CEP131: variants seen among roughly 807,000 people sequenced by gnomAD.
The protein encoded by CEP131 is centrosomal protein of 131 kDa.
Under a neutral mutation model 136.8 loss-of-function variants are expected in CEP131, and 99 were observed. The ratio of observed to expected loss-of-function variants is 0.72; its 90% CI spans 0.62 to 0.86. The LOEUF (loss-of-function observed/expected upper bound fraction) is 0.86, where lower values mean the gene tolerates loss of function less well. Ranked by LOEUF, CEP131 falls within the 40% of genes least tolerant of loss-of-function variation. CEP131 has a pLI of 0.00. For synonymous variants in CEP131, 646 were observed against 612.7 expected, an observed-to-expected ratio of 1.05 and a Z score of -0.80; for missense variants, 1,459 against 1,463.0, an observed-to-expected ratio of 1.00 and a Z score of 0.04.
intron 15 of CEP131, 55 bp from the exon 16 acceptor site, chr17:81,196,006 C>A: frequency 3.4e-6 from 5 of 1,451,092 alleles, no homozygotes; most frequent in Non-Finnish European, 4.8e-6. Flanking sequence ...CCAGCAGGAC[C>A]CCTGATGGAG....
At position 81,199,109 on chromosome 17, in the gene CEP131, G is replaced by A. The variant is rs768533066; in HGVS notation, c.1193-138C>T. The A allele has an allele frequency of 2.3e-5, 20 of 877,690 alleles. No homozygotes were observed. In the East Asian group the frequency reaches 2.4e-4, roughly 11 times the overall value. The allele number at this position is 877,690 out of a possible 1,614,324, so 54.4% of individuals were successfully genotyped here. ...AGCAGAGGAGCCGCTGGGGAGCCAC[G>A]GCCTTCTGGGTGTGGAGCTGTGGAG... is the stretch of plus-strand genomic sequence containing the variant. On this transcript the variant is annotated intron_variant, in intron 10 of 25. Coordinates refer to ENST00000450824, the MANE Select transcript of CEP131 (RefSeq NM_014984.4).
chr17:81,191,383 C>T (rs759690484), intron 21 of CEP131, 48 bp from the exon 22 acceptor site: 101 of 1,606,766 alleles, frequency 6.3e-5, no homozygotes, highest in Middle Eastern at 1.6e-4. Context: ...AGCCGGCCCG[C>T]GGGGCCAGGG....
chr17:81,192,246 G>A (rs1003169954), intron 21 of CEP131, 72 bp downstream of exon 21: 2 of 1,446,780 alleles, frequency 1.4e-6, no homozygotes, highest in Admixed American at 2.1e-5. Flanking sequence ...AAACCCACCT[G>A]GGGCAGCCCC....
chr17:81,220,652 G>A (rs1453192941), intron 1 of CEP131, among the ~76,000 whole-genome samples: 1 of 151,768 alleles, frequency 6.6e-6, no homozygotes, highest in Non-Finnish European at 1.5e-5. Context: ...CCGCCACCAC[G>A]CCTGGCTAAT....
Position 81,198,159 on chromosome 17 carries a change from G to A in CEP131, c.1426C>T (p.Arg476Cys), listed in dbSNP as rs150256277. 1.1e-3 allele frequency: 1,805 copies of A among 1,574,966 alleles called. 33 individuals carry two copies. In the South Asian group the frequency reaches 0.015, roughly 13 times the overall value. ...LLEKEPDVLP[R>C]PRTHHRGRYA... The stretch of plus-strand genomic sequence containing the variant: ...CTGCCCCTGTGATGGGTCCTGGGGC[G>A]GGGCAGCACGTCCGGCTCCTTCTCC... The change falls in exon 12 of 26, where the codon CGC becomes TGC. Residue 476 changes from arginine to cysteine, a missense_variant. Coordinates refer to ENST00000450824, the MANE Select transcript of CEP131 (RefSeq NM_014984.4).
At position 81,198,184 on chromosome 17, in the gene CEP131, C is replaced by T. The variant is rs2061809517; in HGVS notation, c.1401G>A (p.Leu467=). The change falls in exon 12 of 26, where the codon CTG becomes CTA. Residue 467 remains leucine (L), a synonymous_variant. Transcript: ENST00000450824. The stretch of plus-strand genomic sequence containing the variant: ...GGGGCAGCACGTCCGGCTCCTTCTC[C>T]AGCAGCTGCAGTGTGTGCAGCAGCT... The part of the protein sequence containing the change: ...LEELLHTLQL[L]EKEPDVLPRP... 12 of 1,584,710 alleles carry T rather than the reference C, an allele frequency of 7.6e-6. No homozygotes were observed. Among genetic ancestry groups the T allele is most frequent in the Non-Finnish European group, 1.0e-5 (12 of 1,165,418 alleles).
At position 81,198,870 on chromosome 17, in the gene CEP131, C is replaced by T. The variant is rs1353658088; in HGVS notation, c.1287+7G>A. On this transcript the variant is annotated splice_region_variant and intron_variant, in intron 11 of 25. Transcript: ENST00000450824. ...CATGATGGAGTGAAGGACAGCTGTG[C>T]TCAGACCTGCGTCCTGTCCTCTGGA... The T allele has an allele frequency of 6.3e-7, 1 of 1,574,968 alleles. No homozygotes were observed. Among genetic ancestry groups the T allele is most frequent in the Admixed American group, 1.9e-5 (1 of 53,928 alleles).
rs140709743 is a variant in CEP131, at chr17:81,219,891, T to C, written c.166A>G (p.Arg56Gly). 6.2e-6 allele frequency: 10 copies of C among 1,606,528 alleles called. No individual in the cohort carries two copies. The African/African-American group carries it at 1.2e-4, about 19-fold the overall frequency. ...VSVVTGSEQK[R>G]KVLEATGPGG... is the part of the protein sequence containing the mutation. ...GCCACAGTACTCACCAGCACCTTCC[T>C]CTTCTGCTCGCTGCCTGTGACCACG... is the stretch of plus-strand genomic sequence containing the variant. The change falls in exon 2 of 26, where the codon AGG becomes GGG. Residue 56 changes from arginine to glycine, a missense_variant. Coordinates refer to ENST00000450824, the MANE Select transcript of CEP131 (RefSeq NM_014984.4). This position sits in a 1 kb window ranked among gnomAD's most constrained non-coding sequence, Gnocchi z 4.0.
At chr17:81,213,335 G>A (rs1372820282) in intron 2 of CEP131, among the ~76,000 whole-genome samples, 1 of 152,208 alleles carries the variant, frequency 6.6e-6, no homozygotes, top group Admixed American at 6.5e-5. Flanking sequence ...CAAGGCAGGA[G>A]GATCACTTGA....
intron 7 of CEP131, 74 bp downstream of exon 7, chr17:81,202,166 C>CGG: frequency 2.7e-6 from 1 of 375,250 alleles, no homozygotes; most frequent in Non-Finnish European, 4.6e-6. Context: ...AGGTGTGAGC[C>CGG]CCCCAGACCC....
chr17:81,191,054 G>T lies in CEP131; in HGVS notation c.2796C>A (p.Ala932=). ...RIKRLRDKYE[A]ELSELEQSER... is the part of the protein sequence containing the mutation. ...CCGACTGCTCCAGCTCGGAGAGCTCGGCCTCGTACTTGTCCCGTAAGCGCT... is the reference window on the plus strand; with the variant it reads ...CCGACTGCTCCAGCTCGGAGAGCTCTGCCTCGTACTTGTCCCGTAAGCGCT... The change falls in exon 23 of 26, where the codon GCC becomes GCA. Residue 932 remains alanine (A), a synonymous_variant. Coordinates refer to ENST00000450824, the MANE Select transcript of CEP131 (RefSeq NM_014984.4). 1 of 1,607,990 alleles carries T rather than the reference G, an allele frequency of 6.2e-7. No individual in the cohort carries two copies. The highest frequency in any genetic ancestry group is 8.5e-7 in the Non-Finnish European group (1 of 1,177,472).
intron 3 of CEP131, 106 bp from the exon 4 acceptor site, chr17:81,207,345 C>T (rs1281295913): frequency 1.1e-6 from 1 of 908,554 alleles, no homozygotes; most frequent in African/African-American, 1.7e-5. Flanking sequence ...GGCTGAGGCA[C>T]TAGCAGCAAC....
At chr17:81,190,491 GA>G in intron 24 of CEP131, 147 bp downstream of exon 24, 1 of 1,086,092 alleles carries the variant, frequency 9.2e-7, no homozygotes, top group Non-Finnish European at 1.3e-6. Context: ...CCCAAACATG[GA>G]ACCCACACCA....
rs779242406 is a variant in CEP131, at chr17:81,190,598, G to C, written c.3107+41C>G. 6.0e-6 allele frequency: 9 copies of C among 1,508,374 alleles called. No individual in the cohort carries two copies. The African/African-American group carries it at 1.1e-4, about 19-fold the overall frequency. 93.4% of individuals were successfully genotyped at this position (1,508,374 alleles called of 1,614,324 possible). On this transcript the variant is annotated intron_variant, in intron 24 of 25. Coordinates refer to ENST00000450824, the MANE Select transcript of CEP131 (RefSeq NM_014984.4). ...CTGCAGAGGTCCTGCCCGCTCCCCT[G>C]CCCCGCCTCCGTCTCCAGCCCTGCA... is the stretch of plus-strand genomic sequence containing the variant.
Position 81,197,724 on chromosome 17 carries a change from G to A in CEP131, c.1635C>T (p.Asp545=). 6.2e-7 allele frequency: 1 copy of A among 1,611,026 alleles called. No individual in the cohort carries two copies. Among genetic ancestry groups the A allele is most frequent in the African/African-American group, 1.3e-5 (1 of 75,032 alleles). The change falls in exon 13 of 26, where the codon GAC becomes GAT. Residue 545 remains aspartate, a synonymous_variant. Coordinates refer to ENST00000450824, the MANE Select transcript of CEP131 (RefSeq NM_014984.4). ...GGTGAGGGGCCACCTCCTGCTGGGA[G>A]TCCAGCTGGTCCTGCCCAGACTTCT... The part of the protein sequence containing the change: ...EMEKSGQDQL[D]SQQEGWVPEA...
intron 4 of CEP131, 30 bp downstream of exon 4, chr17:81,207,095 C>G: frequency 6.3e-7 from 1 of 1,594,196 alleles, no homozygotes; most frequent in Non-Finnish European, 8.5e-7. Flanking sequence ...TCACAGAGAC[C>G]AGGACGTGGG....
chr17:81,197,966 C>T, intron 12 of CEP131, 78 bp from the exon 13 acceptor site: 3 of 1,549,372 alleles, frequency 1.9e-6, no homozygotes, highest in Non-Finnish European at 2.6e-6. Context: ...GAGGTGGCAG[C>T]TGAGGCTGGG....
At chr17:81,207,944 A>C (rs201973785) in intron 3 of CEP131, among the ~76,000 whole-genome samples, 4 of 100 alleles carry the variant, frequency 0.04, no homozygotes, top group African/African-American at 0.056. Flanking sequence ...ACCATACACC[A>C]CACACACCCC....
chr17:81,191,418 C>T, intron 21 of CEP131, 83 bp from the exon 22 acceptor site: 1 of 1,355,336 alleles, frequency 7.4e-7, no homozygotes, highest in Non-Finnish European at 1.0e-6. Flanking sequence ...TCCTGGGGGG[C>T]TCCAGGCTCT....
Sources: gnomAD v4.1 joint callset for allele counts (sites outside exome capture counted in the v4.1 genomes callset) on GRCh38, gnomAD v4.1.1 for gene constraint, Gnocchi (gnomAD v3.1) non-coding constraint, MANE v1.5 for transcripts, NCBI Gene and HGNC (gene_info 2026-07-23, HGNC 2026-07-21) for gene names.